KCNH1: variants seen among roughly 807,000 people sequenced by gnomAD.
KCNH1 encodes potassium voltage-gated channel subfamily H member 1.
Under a neutral mutation model 69.2 loss-of-function variants are expected in KCNH1, and 27 were observed. The ratio of observed to expected loss-of-function variants is 0.39; its 90% CI spans 0.29 to 0.54. KCNH1 has a LOEUF of 0.54. Among genes scored for constraint, KCNH1 ranks in the 20% least tolerant of loss-of-function variants. KCNH1 has a pLI of 0.68. For synonymous variants in KCNH1, 456 were observed against 487.7 expected (o/e 0.93, Z 0.86); for missense variants, 798 against 1,261.6 (o/e 0.63, Z 5.57).
intron 9 of KCNH1, among the ~76,000 whole-genome samples, chr1:210,795,037 A>C (rs1053825499): frequency 6.6e-6 from 1 of 152,200 alleles, no homozygotes; most frequent in Non-Finnish European, 1.5e-5. Context: ...TCTGGTCTGC[A>C]GGGTTCAGTG....
chr1:211,118,984 T>C (rs1379577975), intron 1 of KCNH1, among the ~76,000 whole-genome samples: 6 of 152,218 alleles, frequency 3.9e-5, no homozygotes, highest in Non-Finnish European at 8.8e-5. Flanking sequence ...TAACTTGAGA[T>C]ATTTTACTTA....
At chr1:210,781,211 C>T (rs1020982292) in intron 9 of KCNH1, among the ~76,000 whole-genome samples, 1 of 152,142 alleles carries the variant, frequency 6.6e-6, no homozygotes, top group African/African-American at 2.4e-5. Flanking sequence ...ACCTCAGCAC[C>T]TTCCACACTC....
At chr1:210,739,231 A>G (rs1682958931) in intron 10 of KCNH1, among the ~76,000 whole-genome samples, 1 of 152,196 alleles carries the variant, frequency 6.6e-6, no homozygotes, top group South Asian at 2.1e-4. Flanking sequence ...AGGAAATGGA[A>G]GCCCAAGAAG....
intron 10 of KCNH1, among the ~76,000 whole-genome samples, chr1:210,748,088 G>T (rs552867898): frequency 6.6e-6 from 1 of 152,312 alleles, no homozygotes; most frequent in African/African-American, 2.4e-5. Flanking sequence ...TCTGTAGGCG[G>T]CACAGCTGCA....
chr1:210,986,034 G>A (rs969316327), intron 6 of KCNH1, among the ~76,000 whole-genome samples: 4 of 152,180 alleles, frequency 2.6e-5, no homozygotes, highest in African/African-American at 9.7e-5. Context: ...TTACCATTAT[G>A]TAATGGCCTT....
intron 6 of KCNH1, among the ~76,000 whole-genome samples, chr1:210,957,681 T>C (rs978656548): frequency 3.3e-5 from 5 of 152,190 alleles, no homozygotes; most frequent in Non-Finnish European, 5.9e-5. Context: ...GCCTTCTTTA[T>C]CTCTTTTGAT....
At chr1:210,766,974 T>C (rs762165926) in intron 10 of KCNH1, among the ~76,000 whole-genome samples, 61 of 152,360 alleles carry the variant, frequency 4.0e-4, no homozygotes, top group Non-Finnish European at 8.8e-4. Context: ...ATCCTGACTC[T>C]GCTTACCAAA....
At chr1:210,984,123 G>T (rs1353186885) in intron 6 of KCNH1, among the ~76,000 whole-genome samples, 2 of 152,116 alleles carry the variant, frequency 1.3e-5, no homozygotes, top group African/African-American at 4.8e-5. Context: ...CATTGATTTT[G>T]TATCCTGAGA....
At chr1:210,898,076 C>A (rs771395758) in intron 7 of KCNH1, among the ~76,000 whole-genome samples, 6 of 152,194 alleles carry the variant, frequency 3.9e-5, no homozygotes, top group Admixed American at 6.5e-5. Context: ...TTCTCTTTCC[C>A]TGTGGATTGC....
At chr1:211,005,031 C>A (rs1006048977) in intron 6 of KCNH1, among the ~76,000 whole-genome samples, 19 of 151,332 alleles carry the variant, frequency 1.3e-4, no homozygotes, top group Non-Finnish European at 2.1e-4. Context: ...GAAGAAAGAG[C>A]GAATAAGAGA....
At chr1:210,891,614 T>C (rs895342226) in intron 7 of KCNH1, among the ~76,000 whole-genome samples, 1 of 151,640 alleles carries the variant, frequency 6.6e-6, no homozygotes, top group Admixed American at 6.6e-5. Context: ...ATACTGTTGG[T>C]GGGAGTGTAA....
chr1:210,687,241 G>T (rs1468897756), intron 10 of KCNH1, among the ~76,000 whole-genome samples: 2 of 152,256 alleles, frequency 1.3e-5, no homozygotes, highest in African/African-American at 2.4e-5. Context: ...ACATTTGGGA[G>T]GGGAAGTGGG....
chr1:211,112,635 TTTAAA>T (rs1691496256), intron 1 of KCNH1, among the ~76,000 whole-genome samples: 1 of 151,986 alleles, frequency 6.6e-6, no homozygotes, highest in Non-Finnish European at 1.5e-5. Context: ...CACCATAGAA[TTTAAA>T]GTTCCAAAAT....
intron 6 of KCNH1, among the ~76,000 whole-genome samples, chr1:210,953,229 C>T (rs1052041334): frequency 6.6e-6 from 1 of 152,158 alleles, no homozygotes; most frequent in African/African-American, 2.4e-5. Flanking sequence ...AACTCTATCA[C>T]GTGAATATAA....
intron 10 of KCNH1, among the ~76,000 whole-genome samples, chr1:210,705,726 A>G (rs1331676362): frequency 6.6e-6 from 1 of 152,148 alleles, no homozygotes; most frequent in Non-Finnish European, 1.5e-5. Flanking sequence ...CTATGGGATC[A>G]GCATTTCCCC....
At chr1:211,016,531 T>C (rs531469671) in intron 6 of KCNH1, among the ~76,000 whole-genome samples, 1 of 152,306 alleles carries the variant, frequency 6.6e-6, no homozygotes, top group African/African-American at 2.4e-5. Context: ...TTGAATTACC[T>C]AAGCCAAAAT....
chr1:210,837,351 T>A (rs1030407558), intron 7 of KCNH1, among the ~76,000 whole-genome samples: 1 of 152,122 alleles, frequency 6.6e-6, no homozygotes, highest in Non-Finnish European at 1.5e-5. Context: ...GTCATGATAT[T>A]TTTATCTGTA....
At chr1:210,788,693 T>TTTTTTTTTTTTTTTTTTTG (rs1684153646) in intron 9 of KCNH1, among the ~76,000 whole-genome samples, 1 of 86,650 alleles carries the variant, frequency 1.2e-5, no homozygotes, top group African/African-American at 4.8e-5. Context: ...TTCTTTTTTT[T>TTTTTTTTTTTTTTTTTTTG]TTTTTTTTTT....
chr1:210,896,461 T>C (rs1477483303), intron 7 of KCNH1, among the ~76,000 whole-genome samples: 2 of 152,194 alleles, frequency 1.3e-5, no homozygotes, highest in African/African-American at 4.8e-5. Context: ...AAAAGGAGAC[T>C]GAAGGGTTTT....
Sources: gnomAD v4.1 joint callset for allele counts (sites outside exome capture counted in the v4.1 genomes callset) on GRCh38, gnomAD v4.1.1 for gene constraint, MANE v1.5 for transcripts, NCBI Gene and HGNC (gene_info 2026-07-23, HGNC 2026-07-21) for gene names.